ASPRV1: variants seen among roughly 807,000 people sequenced by gnomAD.
ASPRV1 encodes retroviral-like aspartic protease 1.
Under a neutral mutation model 11.0 loss-of-function variants are expected in ASPRV1, and 7 were observed. The observed-to-expected ratio is 0.64, with a 90% CI of 0.36 to 1.20. The LOEUF is 1.20. Among genes scored for constraint, ASPRV1 ranks in the 50% most tolerant of loss-of-function variants. The pLI is 0.02. For synonymous variants in ASPRV1, 136 were observed against 138.4 expected, an observed-to-expected ratio of 0.98 and a Z score of 0.12; for missense variants, 299 against 320.0, an observed-to-expected ratio of 0.93 and a Z score of 0.50.
the ASPRV1 span, among the ~76,000 whole-genome samples, chr2:70,036,129 C>A: frequency 6.6e-6 from 1 of 151,842 alleles, no homozygotes; most frequent in African/African-American, 2.4e-5. Flanking sequence ...CAAAGAGGGG[C>A]AGACAGAGCA....
At chr2:69,964,945 C>T (rs182238637), upstream of ASPRV1, among the ~76,000 whole-genome samples, 34 of 152,270 alleles carry the variant, frequency 2.2e-4, no homozygotes, top group South Asian at 6.0e-3. Flanking sequence ...CAAATCAAGA[C>T]AAGCCCAAGA....
chr2:69,971,505 T>C, the ASPRV1 span, among the ~76,000 whole-genome samples: 1 of 152,356 alleles, frequency 6.6e-6, no homozygotes, highest in South Asian at 2.1e-4. Flanking sequence ...AGGATCGTTT[T>C]GTAAATTTCC....
chr2:70,074,854 C>T, the ASPRV1 span, among the ~76,000 whole-genome samples: 1 of 151,458 alleles, frequency 6.6e-6, no homozygotes, highest in South Asian at 2.1e-4. Context: ...CAGTGGCTCA[C>T]GCCTATAATC....
chr2:70,028,435 T>C, the ASPRV1 span: 2 of 152,104 alleles, frequency 1.3e-5, no homozygotes, highest in Admixed American at 6.6e-5. Flanking sequence ...ACCTAGGAAA[T>C]AGGGTGCTCT....
At chr2:69,991,676 T>C in the ASPRV1 span, among the ~76,000 whole-genome samples, 1 of 152,088 alleles carries the variant, frequency 6.6e-6, no homozygotes, top group Admixed American at 6.5e-5. Context: ...GTCTCCCGAG[T>C]AGCTGGGATT....
chr2:70,072,188 G>A, the ASPRV1 span, among the ~76,000 whole-genome samples: 1 of 151,564 alleles, frequency 6.6e-6, no homozygotes, highest in African/African-American at 2.4e-5. Context: ...CTGGCCTCAA[G>A]TGATCCACCC....
At chr2:69,957,816 G>T (rs1018288643), downstream of ASPRV1, among the ~76,000 whole-genome samples, 1 of 152,062 alleles carries the variant, frequency 6.6e-6, no homozygotes, top group Non-Finnish European at 1.5e-5. Flanking sequence ...GATGTTCATG[G>T]GTCTTCTCTG....
upstream of ASPRV1, chr2:69,964,273 C>T (rs1678257677): frequency 2.3e-6 from 1 of 432,574 alleles, no homozygotes; most frequent in African/African-American, 2.0e-5. Flanking sequence ...TTCTGTGCTG[C>T]TGTGGCTTGA....
At chr2:70,065,390 C>CAAAA in the ASPRV1 span, among the ~76,000 whole-genome samples, 8 of 52,720 alleles carry the variant, frequency 1.5e-4, no homozygotes, top group Non-Finnish European at 2.3e-4. Context: ...GACACCATCT[C>CAAAA]AAAAAAAAAA....
the ASPRV1 span, among the ~76,000 whole-genome samples, chr2:69,945,817 A>G: frequency 6.6e-6 from 1 of 152,210 alleles, no homozygotes; most frequent in African/African-American, 2.4e-5. Flanking sequence ...TTGGAGCTAG[A>G]GAGGCCCACT....
chr2:70,037,385 G>A, the ASPRV1 span, among the ~76,000 whole-genome samples: 5 of 152,110 alleles, frequency 3.3e-5, no homozygotes, highest in African/African-American at 1.2e-4. Context: ...GCACAGTGGC[G>A]TGATCTCAGC....
the ASPRV1 span, among the ~76,000 whole-genome samples, chr2:70,041,721 G>T: frequency 6.6e-6 from 1 of 152,142 alleles, no homozygotes; most frequent in Non-Finnish European, 1.5e-5. Flanking sequence ...TCCAATCTAG[G>T]GAAGAGAGCC....
At chr2:70,023,852 T>C in the ASPRV1 span, among the ~76,000 whole-genome samples, 1 of 152,066 alleles carries the variant, frequency 6.6e-6, no homozygotes, top group South Asian at 2.1e-4. Context: ...GCAAAATTAG[T>C]TTTTAAATAT....
chr2:70,022,138 CT>C, the ASPRV1 span, among the ~76,000 whole-genome samples: 1 of 151,880 alleles, frequency 6.6e-6, no homozygotes, highest in South Asian at 2.1e-4. Context: ...CCTCAGCCTC[CT>C]GAGTAGCTGG....
chr2:69,944,262 A>G, the ASPRV1 span, among the ~76,000 whole-genome samples: 1 of 152,230 alleles, frequency 6.6e-6, no homozygotes, highest in Non-Finnish European at 1.5e-5. Context: ...AGCCTCCCCC[A>G]CAAGATGACA....
the ASPRV1 span, among the ~76,000 whole-genome samples, chr2:69,984,957 C>T: frequency 3.8e-4 from 57 of 150,182 alleles, no homozygotes; most frequent in Middle Eastern, 3.5e-3. Flanking sequence ...CCCAGGTTCA[C>T]GCCATTCTCC....
chr2:69,964,267 GTGC>G (rs1232386171), upstream of ASPRV1: 5 of 421,396 alleles, frequency 1.2e-5, no homozygotes, highest in Admixed American at 2.9e-5. Flanking sequence ...TTAGAATTCT[GTGC>G]TGCTGTGGCT....
the ASPRV1 span, among the ~76,000 whole-genome samples, chr2:70,024,281 G>T: frequency 6.6e-6 from 1 of 152,126 alleles, no homozygotes; most frequent in East Asian, 1.9e-4. Flanking sequence ...CTTAATAGTG[G>T]CAGCAGAAGT....
upstream of ASPRV1, chr2:69,961,741 T>A (rs1485236736): frequency 1.3e-6 from 2 of 1,507,148 alleles, no homozygotes; most frequent in Non-Finnish European, 1.8e-6. Context: ...CCTGCCAGCA[T>A]CCGGCCGGAC....
Sources: gnomAD v4.1 joint callset for allele counts (sites outside exome capture counted in the v4.1 genomes callset) on GRCh38, gnomAD v4.1.1 for gene constraint, MANE v1.5 for transcripts, NCBI Gene and HGNC (gene_info 2026-07-23, HGNC 2026-07-21) for gene names.